HTR1F: variants seen among roughly 807,000 people sequenced by gnomAD.
HTR1F encodes the protein 5-hydroxytryptamine (serotonin) receptor 1F, G protein-coupled.
A neutral mutation model predicts 24.0 loss-of-function variants in HTR1F; 17 were observed. That is an observed-to-expected ratio of 0.71 (90% CI 0.48 to 1.06). The LOEUF is 1.06. Ranked by LOEUF, HTR1F falls within the 50% of genes least tolerant of loss-of-function variation. The pLI, the probability that HTR1F is intolerant of heterozygous loss-of-function variation, is 0.00. For synonymous variants in HTR1F, 186 were observed against 156.8 expected (o/e 1.19, Z -1.39); for missense variants, 391 against 427.8 (o/e 0.91, Z 0.76).
intron 2 of HTR1F, among the ~76,000 whole-genome samples, chr3:87,832,390 C>T (rs1291666080): frequency 2.0e-5 from 3 of 146,828 alleles, no homozygotes; most frequent in African/African-American, 7.6e-5. Context: ...TGCAGTGGCG[C>T]GATCTCGGCT....
intron 2 of HTR1F, among the ~76,000 whole-genome samples, chr3:87,905,456 G>A (rs148232541): frequency 2.0e-5 from 3 of 151,988 alleles, no homozygotes; most frequent in Non-Finnish European, 2.9e-5. Flanking sequence ...TTTTTAAAAT[G>A]TATACATTTT....
intron 2 of HTR1F, among the ~76,000 whole-genome samples, chr3:87,836,589 A>C (rs1361083748): frequency 2.6e-5 from 4 of 152,158 alleles, no homozygotes; most frequent in African/African-American, 7.2e-5. Flanking sequence ...TTTATTAAAG[A>C]CTAGTATTTC....
At chr3:87,987,884 T>G (rs1705709455) in intron 2 of HTR1F, among the ~76,000 whole-genome samples, 1 of 147,526 alleles carries the variant, frequency 6.8e-6, no homozygotes, top group Non-Finnish European at 1.5e-5. Context: ...CAGTGTAAAA[T>G]AATTTAAGAA....
chr3:87,909,136 A>G (rs1703724065), intron 2 of HTR1F, among the ~76,000 whole-genome samples: 1 of 152,018 alleles, frequency 6.6e-6, no homozygotes, highest in Non-Finnish European at 1.5e-5. Flanking sequence ...CACCAGTGGT[A>G]AATACTAGTG....
intron 2 of HTR1F, among the ~76,000 whole-genome samples, chr3:87,906,150 C>T (rs1703663509): frequency 6.6e-6 from 1 of 152,020 alleles, no homozygotes; most frequent in Non-Finnish European, 1.5e-5. Flanking sequence ...CAATATATAA[C>T]TCAGGGTAAA....
intron 2 of HTR1F, among the ~76,000 whole-genome samples, chr3:87,930,886 C>G (rs1432632349): frequency 6.6e-6 from 1 of 152,088 alleles, no homozygotes; most frequent in African/African-American, 2.4e-5. Flanking sequence ...TGATGTTTTA[C>G]AAGAACAGAA....
At chr3:87,987,472 T>C (rs1357456683) in intron 2 of HTR1F, among the ~76,000 whole-genome samples, 1 of 151,434 alleles carries the variant, frequency 6.6e-6, no homozygotes, top group Admixed American at 6.6e-5. Context: ...GGTCCTGTGA[T>C]CCAATACTGA....
intron 2 of HTR1F, among the ~76,000 whole-genome samples, chr3:87,869,424 G>GATACATACATACATAC (rs1328483938): frequency 7.4e-6 from 1 of 135,648 alleles, no homozygotes; most frequent in African/African-American, 2.9e-5. Context: ...TAGATAGATA[G>GATACATACATACATAC]ATAGATAGAT....
chr3:87,806,182 G>A (rs1704070574), intron 1 of HTR1F, among the ~76,000 whole-genome samples: 1 of 151,998 alleles, frequency 6.6e-6, no homozygotes, highest in Admixed American at 6.6e-5. Context: ...TTGATTCCAT[G>A]TCTTTGCTAT....
intron 2 of HTR1F, among the ~76,000 whole-genome samples, chr3:87,913,634 C>T (rs979432292): frequency 5.3e-5 from 8 of 152,198 alleles, no homozygotes; most frequent in South Asian, 2.1e-4. Context: ...TGTATCCATA[C>T]GTTGATTGCA....
chr3:87,823,329 G>C (rs926622858), intron 2 of HTR1F, among the ~76,000 whole-genome samples: 6 of 152,024 alleles, frequency 3.9e-5, no homozygotes, highest in Admixed American at 1.3e-4. Context: ...CAAGTATACT[G>C]ATTCTCAGTT....
At chr3:87,906,017 A>G (rs1703660270) in intron 2 of HTR1F, among the ~76,000 whole-genome samples, 1 of 152,126 alleles carries the variant, frequency 6.6e-6, no homozygotes, top group Admixed American at 6.6e-5. Context: ...GATGATTGTT[A>G]CAAGAATGTT....
intron 2 of HTR1F, among the ~76,000 whole-genome samples, chr3:87,940,804 C>T (rs1308699307): frequency 5.9e-5 from 9 of 152,242 alleles, no homozygotes; most frequent in South Asian, 2.1e-4. Context: ...TGGGGATTTA[C>T]GATTTTAGTT....
At chr3:87,896,402 A>G (rs1177132269) in intron 2 of HTR1F, among the ~76,000 whole-genome samples, 6 of 152,222 alleles carry the variant, frequency 3.9e-5, no homozygotes, top group Middle Eastern at 3.2e-3. Context: ...ACATCATTAC[A>G]TGATGTTGCC....
At chr3:87,838,048 CT>C (rs1704720341) in intron 2 of HTR1F, among the ~76,000 whole-genome samples, 1 of 151,902 alleles carries the variant, frequency 6.6e-6, no homozygotes, top group Admixed American at 6.6e-5. Context: ...ACATAAAATG[CT>C]TATTTACTTT....
At chr3:87,816,482 G>A (rs970389952) in intron 1 of HTR1F, among the ~76,000 whole-genome samples, 2 of 151,902 alleles carry the variant, frequency 1.3e-5, no homozygotes, top group African/African-American at 4.8e-5. Flanking sequence ...TTACAATCTA[G>A]CCCCATGTGC....
intron 2 of HTR1F, among the ~76,000 whole-genome samples, chr3:87,861,443 A>C (rs1279540900): frequency 6.6e-6 from 1 of 152,156 alleles, no homozygotes; most frequent in Non-Finnish European, 1.5e-5. Flanking sequence ...CTTCAATTAG[A>C]AGAACAAAAT....
chr3:87,937,232 A>C (rs1704446826), intron 2 of HTR1F, among the ~76,000 whole-genome samples: 1 of 152,192 alleles, frequency 6.6e-6, no homozygotes, highest in Non-Finnish European at 1.5e-5. Context: ...AATCCTCAAC[A>C]AAATACTTGC....
chr3:87,802,001 T>C (rs574032441), intron 1 of HTR1F, among the ~76,000 whole-genome samples: 412 of 136,554 alleles, frequency 3.0e-3, no homozygotes, highest in African/African-American at 0.013. Flanking sequence ...TTCCTTCCTT[T>C]CTTCCTTCTT....
Sources: allele counts gnomAD v4.1 joint callset (sites outside exome capture counted in the v4.1 genomes callset), GRCh38; gene constraint gnomAD v4.1.1; transcripts MANE v1.5; gene names NCBI Gene and HGNC (gene_info 2026-07-23, HGNC 2026-07-21).